AK6: variants seen among roughly 807,000 people sequenced by gnomAD.
AK6 encodes the protein adenylate kinase 6, also known as adenylate kinase isoenzyme 6.
AK6 carries 24 observed loss-of-function variants against 23.7 expected under a neutral mutation model. That is an observed-to-expected ratio of 1.01 (90% CI 0.73 to 1.43). The LOEUF (loss-of-function observed/expected upper bound fraction) is 1.43. Ranked by LOEUF, AK6 falls within the 40% of genes most tolerant of loss-of-function variation. The pLI is 0.00. For synonymous variants in AK6, 73 were observed against 69.8 expected, an observed-to-expected ratio of 1.05 and a Z score of -0.23; for missense variants, 191 against 199.1, an observed-to-expected ratio of 0.96 and a Z score of 0.24.
chr5:69,352,678 T>G lies in AK6; in HGVS notation c.327-425A>C. On this transcript the variant is annotated intron_variant, in intron 4 of 4. Transcript: ENST00000380822. ...TCAGCATCTCTAGCTGTATAGGAAA[T>G]GCAAATCAAAATTACAATGAGATAT... 1.3e-5 allele frequency among the ~76,000 whole-genome samples: 2 copies of G among 152,172 alleles called. 1 individual carries two copies. The highest frequency in any genetic ancestry group is 2.9e-5 in the Non-Finnish European group (2 of 68,022).
chr5:69,364,936 G>C (rs781473998), intron 2 of AK6: 1 of 1,602,182 alleles, frequency 6.2e-7, no homozygotes, highest in African/African-American at 1.3e-5. Context: ...CATTCAGCAA[G>C]GCTAGATTAC....
Position 69,355,412 on chromosome 5 carries a change from G to T in AK6, c.326+237C>A, listed in dbSNP as rs572804828. On this transcript the variant is annotated intron_variant, in intron 4 of 4. Coordinates refer to ENST00000380822, the MANE Select transcript of AK6 (RefSeq NM_016283.5). Reference sequence around the variant, plus strand: ...GCCAGGCAAGGTGGCATGTGCCCGTGGTCTGTTAGTCAGGAGGCTGAGGCA... The same window carrying T: ...GCCAGGCAAGGTGGCATGTGCCCGTTGTCTGTTAGTCAGGAGGCTGAGGCA... 475 of 433,644 alleles carry T rather than the reference G, an allele frequency of 1.1e-3. 1 individual carries two copies. The highest frequency in any genetic ancestry group is 1.9e-3 in the Admixed American group (46 of 24,512). The allele number at this position is 433,644 out of a possible 1,614,324, so 26.9% of individuals were successfully genotyped here. A position where few individuals can be genotyped will look rare whatever the true frequency, so the allele number is the denominator to read the frequency against.
In AK6 at chr5:69,352,203, T is replaced by G. The variant is rs1258669388; in HGVS notation, c.377A>C (p.Gln126Pro). The G allele has an allele frequency of 5.6e-6, 9 of 1,613,944 alleles. No individual in the cohort carries two copies. The highest frequency in any genetic ancestry group is 1.7e-5 in the Admixed American group (1 of 60,006). ...LTDNIQCEIF[Q>P]VLYEEATASY... ...TGCTGTGGCTTCTTCATAAAGAACT[T>G]GAAAAATCTCACACTGAATATTGTC... Residue 126 changes from glutamine (Q) to proline (P), a missense_variant, in exon 5 of 5, where the codon CAA (glutamine) becomes CCA (proline). Transcript: ENST00000380822.
intron 4 of AK6, 38 bp downstream of exon 4, chr5:69,355,611 C>A: frequency 6.5e-7 from 1 of 1,544,312 alleles, no homozygotes. Context: ...TAAAAGTTAA[C>A]ATTATGCTTT....
At chr5:69,369,692 G>A, upstream of AK6, 1 of 1,553,464 alleles carries the variant, frequency 6.4e-7, no homozygotes, top group Non-Finnish European at 8.7e-7. Context: ...CGCAAAGTTG[G>A]AGGGTGGGCA....
intron 1 of AK6, chr5:69,369,179 C>CT: frequency 2.0e-6 from 1 of 502,082 alleles, no homozygotes; most frequent in Non-Finnish European, 3.5e-6. Flanking sequence ...TTCAGAAAGA[C>CT]TAAGCAGGTT....
Position 69,355,124 on chromosome 5 carries a change from C to T in AK6, c.326+525G>A, listed in dbSNP as rs113103518. ...GATTACAAGCGTGAGCCACTGTGCC[C>T]GGCCGACTAAATTGGGTTTCTACAC... On this transcript the variant is annotated intron_variant, in intron 4 of 4. Transcript: ENST00000380822. Among the ~76,000 whole-genome samples the T allele has an allele frequency of 5.3e-3, 800 of 152,210 alleles. 7 individuals are homozygous for T. The highest frequency in any genetic ancestry group is 0.018 in the African/African-American group (739 of 41,512).
intron 2 of AK6, 75 bp downstream of exon 2, chr5:69,366,428 T>C: frequency 8.8e-7 from 1 of 1,132,020 alleles, no homozygotes. Context: ...CCTATGACAA[T>C]ACCCAGCACT....
intron 4 of AK6, among the ~76,000 whole-genome samples, chr5:69,354,950 A>G (rs1254913760): frequency 1.3e-5 from 2 of 151,984 alleles, no homozygotes; most frequent in Admixed American, 1.3e-4. Context: ...CTCAGCCTCC[A>G]GAGTAGCTGG....
At position 69,369,482 on chromosome 5, in the gene AK6, A is replaced by G; in HGVS notation, c.9T>C (p.Leu3=). The G allele has an allele frequency of 6.2e-7, 1 of 1,611,184 alleles. No homozygotes were observed. Among genetic ancestry groups the G allele is most frequent in the East Asian group, 2.2e-5 (1 of 44,786 alleles). ...CCTGACCGGTGAGCAGGATGTTCGGAAGCAACATGGTCCCCGCCGCGACGG... is the reference window on the plus strand; with the variant it reads ...CCTGACCGGTGAGCAGGATGTTCGGGAGCAACATGGTCCCCGCCGCGACGG... ML[L]PNILLTGTPG... Residue 3 remains leucine, a synonymous_variant, in exon 1 of 5, where the codon CTT becomes CTC. Transcript: ENST00000380822.
chr5:69,369,735 C>G, upstream of AK6: 1 of 1,539,824 alleles, frequency 6.5e-7, no homozygotes, highest in Admixed American at 2.0e-5. Context: ...TCAGGCAGTG[C>G]GCTGGATGCC....
intron 1 of AK6, among the ~76,000 whole-genome samples, chr5:69,367,393 C>T (rs893013319): frequency 9.9e-5 from 15 of 151,308 alleles, no homozygotes; most frequent in Admixed American, 5.9e-4. Flanking sequence ...GCCTGTAATC[C>T]CAGCTACTCA....
rs1762698183 is a variant in AK6 at position 69,369,137 on chromosome 5, T to A, written c.28+326A>T. 6.7e-6 allele frequency: 3 copies of A among 447,196 alleles called. No homozygotes were observed. The South Asian group carries it at 1.3e-4, about 19-fold the overall frequency. The allele number at this position is 447,196 out of a possible 1,614,324, so 27.7% of individuals were successfully genotyped here. ...TCCCAAGGCCAACCCTGCCAAAGAA[T>A]CAACAACCCATTTTACAAACGAAAT... On this transcript the variant is annotated intron_variant, in intron 1 of 4. Coordinates refer to ENST00000380822, the MANE Select transcript of AK6 (RefSeq NM_016283.5).
At chr5:69,361,858 G>A (rs907307915) in intron 2 of AK6, among the ~76,000 whole-genome samples, 4 of 151,348 alleles carry the variant, frequency 2.6e-5, no homozygotes, top group Non-Finnish European at 2.9e-5. Flanking sequence ...CACCCGCCTC[G>A]GCCTCCCAAA....
At chr5:69,364,644 T>C (rs1206685682) in intron 2 of AK6, 3 of 487,134 alleles carry the variant, frequency 6.2e-6, no homozygotes, top group Non-Finnish European at 1.1e-5. Flanking sequence ...AAAAATAGAC[T>C]GCAGTACTGC....
chr5:69,358,897 A>T (rs1045207139), intron 2 of AK6, among the ~76,000 whole-genome samples: 7 of 152,112 alleles, frequency 4.6e-5, no homozygotes, highest in Admixed American at 6.6e-5. Flanking sequence ...TTATTTTTTT[A>T]AATTCCAGGT....
intron 2 of AK6, among the ~76,000 whole-genome samples, chr5:69,358,695 T>C (rs1356889972): frequency 6.6e-6 from 1 of 151,902 alleles, no homozygotes; most frequent in Non-Finnish European, 1.5e-5. Context: ...ACCAGAGAAA[T>C]GAACGGATCC....
rs780109173 is a variant in AK6 at position 69,352,127 on chromosome 5, C to T, written c.453G>A (p.Glu151=). The T allele has an allele frequency of 9.3e-6, 15 of 1,613,712 alleles. No individual in the cohort carries two copies. Among genetic ancestry groups the T allele is most frequent in the Admixed American group, 5.0e-5 (3 of 59,990 alleles). ...AGATCTGATCTACATTATTTTCTAG[C>T]TCTTCTGGTTTATTACTGGGCAGCT... is the stretch of plus-strand genomic sequence containing the variant. ...VHQLPSNKPE[E]LENNVDQILK... Residue 151 remains glutamate, a synonymous_variant, in exon 5 of 5, where the codon GAG becomes GAA. Coordinates refer to ENST00000380822, the MANE Select transcript of AK6 (RefSeq NM_016283.5).
At chr5:69,362,350 A>G (rs1442248666) in intron 2 of AK6, among the ~76,000 whole-genome samples, 3 of 152,194 alleles carry the variant, frequency 2.0e-5, no homozygotes, top group Non-Finnish European at 4.4e-5. Flanking sequence ...CTAGTTGAGA[A>G]TCACTTCATT....
Sources: gnomAD v4.1 joint callset for allele counts (sites outside exome capture counted in the v4.1 genomes callset) on GRCh38, gnomAD v4.1.1 for gene constraint, MANE v1.5 for transcripts, NCBI Gene and HGNC (gene_info 2026-07-23, HGNC 2026-07-21) for gene names.